The following RNF180 variants were observed in gnomAD, a reference collection of about 807,000 sequenced individuals.
The protein encoded by RNF180 is ring finger protein 180, also known as E3 ubiquitin-protein ligase RNF180.
A neutral mutation model predicts 59.2 loss-of-function variants in RNF180; 38 were observed. That is an observed-to-expected ratio of 0.64 (90% CI 0.50 to 0.84). RNF180 has a LOEUF of 0.84. Among genes scored for constraint, RNF180 ranks in the 40% least tolerant of loss-of-function variants. The pLI is 0.00. For synonymous variants in RNF180, 262 were observed against 240.3 expected (o/e 1.09, Z -0.84); for missense variants, 705 against 700.9 (o/e 1.01, Z -0.07).
chr5:64,236,579 T>A (rs1742453670), intron 5 of RNF180, among the ~76,000 whole-genome samples: 1 of 152,144 alleles, frequency 6.6e-6, no homozygotes, highest in South Asian at 2.1e-4. Flanking sequence ...GAAATTTGCA[T>A]AAGTAATGAG....
At chr5:64,281,436 T>A (rs1309559978) in intron 5 of RNF180, among the ~76,000 whole-genome samples, 1 of 152,068 alleles carries the variant, frequency 6.6e-6, no homozygotes, top group Non-Finnish European at 1.5e-5. Flanking sequence ...TGGCTGTGGG[T>A]TTGTCATAGA....
chr5:64,274,265 A>C (rs1438491475), intron 5 of RNF180, among the ~76,000 whole-genome samples: 1 of 151,800 alleles, frequency 6.6e-6, no homozygotes, highest in Non-Finnish European at 1.5e-5. Flanking sequence ...TACTTTTTTC[A>C]AATTCACTTA....
In RNF180 at chr5:64,346,806, G is replaced by T. The variant is rs564476701; in HGVS notation, c.1579+16400G>T. Among the ~76,000 whole-genome samples, 166 of 152,228 alleles carry T rather than the reference G, an allele frequency of 1.1e-3. 1 individual carries two copies. Among genetic ancestry groups the T allele is most frequent in the African/African-American group, 3.9e-3 (161 of 41,552 alleles). ...TTAAAGCTCCCCAGATGATAACTAT[G>T]TGCATCCAAAAAGTCAAGTTTATGA... On this transcript the variant is annotated intron_variant, in intron 7 of 7. Coordinates refer to ENST00000389100, the MANE Select transcript of RNF180 (RefSeq NM_001113561.2).
chr5:64,344,034 C>G (rs987242747), intron 7 of RNF180, among the ~76,000 whole-genome samples: 1 of 151,538 alleles, frequency 6.6e-6, no homozygotes, highest in African/African-American at 2.4e-5. Flanking sequence ...AGAAAGAAAA[C>G]CATATCTAGA....
intron 5 of RNF180, among the ~76,000 whole-genome samples, chr5:64,285,968 A>G (rs1399965740): frequency 1.3e-5 from 2 of 152,068 alleles, no homozygotes; most frequent in Non-Finnish European, 2.9e-5. Flanking sequence ...GCAGCCAGGA[A>G]TCCAGATGTG....
intron 6 of RNF180, among the ~76,000 whole-genome samples, chr5:64,325,617 C>T (rs1172350171): frequency 6.6e-6 from 1 of 152,178 alleles, no homozygotes; most frequent in Non-Finnish European, 1.5e-5. Context: ...CTACTGTACA[C>T]TCAGATCCTT....
At chr5:64,200,671 T>C in intron 1 of RNF180, 137 bp from the exon 2 acceptor site, 1 of 655,100 alleles carries the variant, frequency 1.5e-6, no homozygotes, top group Non-Finnish European at 2.6e-6. Context: ...ACCTAAGACC[T>C]GATAACTGGT....
intron 5 of RNF180, among the ~76,000 whole-genome samples, chr5:64,318,423 T>C (rs1025230891): frequency 2.1e-4 from 32 of 152,174 alleles, no homozygotes; most frequent in African/African-American, 7.5e-4. Flanking sequence ...TCATGCTACC[T>C]AGAATGGCAC....
intron 1 of RNF180, among the ~76,000 whole-genome samples, chr5:64,180,194 T>C (rs1453954602): frequency 6.6e-6 from 1 of 152,254 alleles, no homozygotes; most frequent in African/African-American, 2.4e-5. Flanking sequence ...TCTTTTCTTA[T>C]ACTGAAGTTA....
At chr5:64,300,757 G>A (rs1743121840) in intron 5 of RNF180, among the ~76,000 whole-genome samples, 1 of 151,752 alleles carries the variant, frequency 6.6e-6, no homozygotes. Context: ...CTAAGGGAGA[G>A]ATGCTTTAAG....
At chr5:64,265,845 T>C (rs1456596504) in intron 5 of RNF180, among the ~76,000 whole-genome samples, 1 of 152,324 alleles carries the variant, frequency 6.6e-6, no homozygotes, top group Non-Finnish European at 1.5e-5. Flanking sequence ...TGATTCTTTC[T>C]ATCCATGAGG....
rs74426667 is a variant in RNF180, at chr5:64,330,190, A to G, written c.1454-91A>G. Reference sequence around the variant, plus strand: ...TAAAGAGGTGTGAATTGTATCAAATAGTATCAAAATACTACAGTATTCACT... The same window carrying G: ...TAAAGAGGTGTGAATTGTATCAAATGGTATCAAAATACTACAGTATTCACT... On this transcript the variant is annotated intron_variant, in intron 6 of 7. Coordinates refer to ENST00000389100, the MANE Select transcript of RNF180 (RefSeq NM_001113561.2). The G allele has an allele frequency of 7.9e-4, 665 of 845,374 alleles. 1 individual carries two copies. The African/African-American group carries it at 0.011, about 14-fold the overall frequency. 52.4% of individuals were successfully genotyped at this position (845,374 alleles called of 1,614,324 possible).
chr5:64,292,022 A>G (rs1236009196), intron 5 of RNF180, among the ~76,000 whole-genome samples: 1 of 151,956 alleles, frequency 6.6e-6, no homozygotes, highest in Admixed American at 6.6e-5. Context: ...TCTGGTTATC[A>G]ACTCCTGTAT....
At chr5:64,260,733 A>T (rs1580133013) in intron 5 of RNF180, among the ~76,000 whole-genome samples, 1 of 152,148 alleles carries the variant, frequency 6.6e-6, no homozygotes, top group Admixed American at 6.6e-5. Flanking sequence ...GCTGTATGAG[A>T]TCTTCAGCTT....
At chr5:64,237,566 G>A (rs1294935724) in intron 5 of RNF180, among the ~76,000 whole-genome samples, 1 of 152,112 alleles carries the variant, frequency 6.6e-6, no homozygotes, top group African/African-American at 2.4e-5. Context: ...TTGGGGGATG[G>A]CTGGGAAGGC....
intron 5 of RNF180, among the ~76,000 whole-genome samples, chr5:64,267,026 A>C (rs1744717961): frequency 6.6e-6 from 1 of 152,084 alleles, no homozygotes; most frequent in South Asian, 2.1e-4. Context: ...AGTATGTTTA[A>C]TTTTAGGATG....
At chr5:64,205,762 A>G (rs1388377873) in intron 2 of RNF180, among the ~76,000 whole-genome samples, 1 of 152,086 alleles carries the variant, frequency 6.6e-6, no homozygotes, top group Non-Finnish European at 1.5e-5. Flanking sequence ...TTTATAGGAT[A>G]GACAGAAAAA....
intron 5 of RNF180, among the ~76,000 whole-genome samples, chr5:64,224,760 T>A (rs1741574306): frequency 6.6e-6 from 1 of 152,220 alleles, no homozygotes; most frequent in Admixed American, 6.5e-5. Flanking sequence ...ACCTCCAAAA[T>A]GCATATGTTG....
At chr5:64,191,501 T>A (rs1406450820) in intron 1 of RNF180, among the ~76,000 whole-genome samples, 1 of 152,228 alleles carries the variant, frequency 6.6e-6, no homozygotes, top group Admixed American at 6.5e-5. Context: ...GTGATGAGAC[T>A]GCTAGAAAGC....
Sources: gnomAD v4.1 joint callset for allele counts (sites outside exome capture counted in the v4.1 genomes callset) on GRCh38, gnomAD v4.1.1 for gene constraint, MANE v1.5 for transcripts, NCBI Gene and HGNC (gene_info 2026-07-23, HGNC 2026-07-21) for gene names.